Variants in DCC observed in about 807,000 individuals in gnomAD.
DCC encodes netrin receptor DCC.
DCC carries 58 observed loss-of-function variants against 172.5 expected under a neutral mutation model. The observed-to-expected ratio is 0.34, with a 90% CI of 0.27 to 0.42. The LOEUF (loss-of-function observed/expected upper bound fraction) is 0.42, where lower values mean the gene tolerates loss of function less well. DCC is among the 10% of genes least tolerant of loss of function. The pLI, the probability that DCC is intolerant of heterozygous loss-of-function variation, is 1.00. For missense variants in DCC, 1,740 were observed against 1,791.0 expected (o/e 0.97, Z 0.51); for synonymous variants, 709 against 644.5 (o/e 1.10, Z -1.52).
At chr18:53,075,529 C>A in intron 7 of DCC, among the ~76,000 whole-genome samples, 1 of 148,448 alleles carries the variant, frequency 6.7e-6, no homozygotes. Flanking sequence ...GTAAATATAC[C>A]AGAGTGTTAT....
intron 1 of DCC, among the ~76,000 whole-genome samples, chr18:52,344,471 C>T (rs1983794717): frequency 2.6e-5 from 4 of 152,150 alleles, no homozygotes; most frequent in Admixed American, 1.3e-4. Context: ...AAATGTTTCT[C>T]GCTTCCAGTT....
In DCC at chr18:53,354,594, A is replaced by G. The variant is rs1475483547; in HGVS notation, c.2359+14687A>G. On this transcript the variant is annotated intron_variant, in intron 15 of 28. Coordinates refer to ENST00000442544, the MANE Select transcript of DCC (RefSeq NM_005215.4). ...AAGTGTCTGTTCATATCCTTCGCCC[A>G]CTTTTTGATGGGCTTCTTTGTTTTT... Among the ~76,000 whole-genome samples the G allele has an allele frequency of 4.6e-5, 7 of 152,056 alleles. No individual in the cohort carries two copies. The East Asian group carries it at 9.6e-4, about 21-fold the overall frequency.
intron 22 of DCC, among the ~76,000 whole-genome samples, chr18:53,443,495 T>C (rs1215233604): frequency 2.0e-5 from 3 of 152,232 alleles, no homozygotes. Flanking sequence ...CCAAGAGCTC[T>C]GATGGAAATG....
chr18:53,453,210 C>T (rs35882434), intron 23 of DCC, among the ~76,000 whole-genome samples: 70,020 of 151,944 alleles, frequency 0.46, 17,463 homozygotes, highest in Non-Finnish European at 0.58. Context: ...CCACCGCGCC[C>T]GGCCCCTTAT....
chr18:53,430,590 C>T (rs1215758640), intron 21 of DCC, among the ~76,000 whole-genome samples: 1 of 152,084 alleles, frequency 6.6e-6, no homozygotes, highest in Admixed American at 6.6e-5. Flanking sequence ...TTAATATAAA[C>T]ATTAATGTTA....
chr18:52,501,935 G>A (rs536934286), intron 1 of DCC, among the ~76,000 whole-genome samples: 3 of 152,254 alleles, frequency 2.0e-5, no homozygotes, highest in East Asian at 3.9e-4. Flanking sequence ...AATTAAAAAT[G>A]TTAATTCTGT....
intron 1 of DCC, among the ~76,000 whole-genome samples, chr18:52,406,653 T>C (rs1323368765): frequency 6.6e-6 from 1 of 152,080 alleles, no homozygotes; most frequent in Admixed American, 6.6e-5. Context: ...AGCTAATCCT[T>C]TTACTTCTTA....
intron 12 of DCC, among the ~76,000 whole-genome samples, chr18:53,241,992 C>T (rs1425450634): frequency 6.6e-6 from 1 of 152,050 alleles, no homozygotes; most frequent in South Asian, 2.1e-4. Context: ...TTAGAAAACC[C>T]CATAGTCTCA....
Position 52,544,006 on chromosome 18 carries a change from T to G in DCC, c.91+203128T>G, listed in dbSNP as rs78899067. Among the ~76,000 whole-genome samples, 1,010 of 152,284 alleles carry G rather than the reference T, an allele frequency of 6.6e-3. 17 individuals are homozygous for G. The highest frequency in any genetic ancestry group is 0.023 in the African/African-American group (964 of 41,562). On this transcript the variant is annotated intron_variant, in intron 1 of 28. Coordinates refer to ENST00000442544, the MANE Select transcript of DCC (RefSeq NM_005215.4). ...AAAATTGTCAAAAATTCAAAACTCA[T>G]GAACACTTTGAAATCTGTGGACCTG...
At chr18:52,775,025 G>A (rs963346767) in intron 2 of DCC, among the ~76,000 whole-genome samples, 7 of 152,096 alleles carry the variant, frequency 4.6e-5, no homozygotes, top group Non-Finnish European at 8.8e-5. Context: ...TTTAAAGCCC[G>A]GTGAAGGGAA....
At chr18:52,594,178 G>A (rs910356519) in intron 1 of DCC, among the ~76,000 whole-genome samples, 10 of 152,212 alleles carry the variant, frequency 6.6e-5, no homozygotes, top group African/African-American at 2.2e-4. Context: ...CCCCTGGATG[G>A]ATATTTGGTA....
At chr18:52,518,913 C>G (rs569744271) in intron 1 of DCC, among the ~76,000 whole-genome samples, 54 of 152,290 alleles carry the variant, frequency 3.5e-4, no homozygotes, top group African/African-American at 1.3e-3. Flanking sequence ...AGATTAATCA[C>G]CTGTCTAAGC....
At chr18:53,135,661 T>C (rs2043730442) in intron 7 of DCC, among the ~76,000 whole-genome samples, 1 of 152,160 alleles carries the variant, frequency 6.6e-6, no homozygotes, top group Admixed American at 6.5e-5. Flanking sequence ...ACAAATGTTC[T>C]CAAACCTCTT....
rs148904169 is a variant in DCC at position 52,899,904 on chromosome 18, T to C, written c.413-6140T>C. 4.0e-3 allele frequency among the ~76,000 whole-genome samples: 611 copies of C among 152,330 alleles called. 6 individuals carry two copies. Among genetic ancestry groups the C allele is most frequent in the South Asian group, 0.011 (51 of 4,824 alleles). On this transcript the variant is annotated intron_variant, in intron 2 of 28. Coordinates refer to ENST00000442544, the MANE Select transcript of DCC (RefSeq NM_005215.4). ...TAAACTGATTATCTTAACAATGATA[T>C]ATATTTTTCATTCAACATACGTTTG... is the stretch of plus-strand genomic sequence containing the variant.
At chr18:53,079,488 T>A (rs763110272) in intron 7 of DCC, among the ~76,000 whole-genome samples, 7 of 152,174 alleles carry the variant, frequency 4.6e-5, no homozygotes, top group Non-Finnish European at 1.0e-4. Flanking sequence ...CTCATACTAA[T>A]GATGTAGTTA....
At chr18:52,557,980 A>C (rs902271247) in intron 1 of DCC, among the ~76,000 whole-genome samples, 2 of 152,088 alleles carry the variant, frequency 1.3e-5, no homozygotes, top group Admixed American at 6.6e-5. Flanking sequence ...ATTTTTGTTC[A>C]TTTTGTTTTG....
intron 2 of DCC, among the ~76,000 whole-genome samples, chr18:52,821,303 C>T (rs978106269): frequency 6.6e-6 from 1 of 152,190 alleles, no homozygotes; most frequent in African/African-American, 2.4e-5. Context: ...GCCCTCCCCT[C>T]TTTCCAACCG....
chr18:53,457,420 T>C (rs1178680927), intron 23 of DCC, among the ~76,000 whole-genome samples: 1 of 152,226 alleles, frequency 6.6e-6, no homozygotes, highest in African/African-American at 2.4e-5. Context: ...TTCCAGGTTA[T>C]TTAAATATTG....
intron 1 of DCC, among the ~76,000 whole-genome samples, chr18:52,394,439 A>T (rs920241863): frequency 2.0e-5 from 3 of 148,220 alleles, no homozygotes; most frequent in Admixed American, 6.7e-5. Flanking sequence ...CTAATTTTTT[A>T]AAGTGGTTTT....
Sources: allele counts gnomAD v4.1 joint callset (sites outside exome capture counted in the v4.1 genomes callset), GRCh38; gene constraint gnomAD v4.1.1; transcripts MANE v1.5; gene names NCBI Gene and HGNC (gene_info 2026-07-23, HGNC 2026-07-21).